SYBU: variants seen among roughly 807,000 people sequenced by gnomAD.
The protein encoded by SYBU is syntabulin, also known as GOLSYN A protein.
A neutral mutation model predicts 35.9 loss-of-function variants in SYBU; 21 were observed. The ratio of observed to expected loss-of-function variants is 0.58; its 90% CI spans 0.41 to 0.84. SYBU has a LOEUF of 0.84. Among genes scored for constraint, SYBU ranks in the 40% least tolerant of loss-of-function variants. The pLI is 0.00. For synonymous variants in SYBU, 319 were observed against 324.3 expected, an observed-to-expected ratio of 0.98 and a Z score of 0.18; for missense variants, 768 against 848.2, an observed-to-expected ratio of 0.91 and a Z score of 1.17.
At chr8:109,677,807 A>G (rs1817244580) in intron 1 of SYBU, among the ~76,000 whole-genome samples, 1 of 152,220 alleles carries the variant, frequency 6.6e-6, no homozygotes, top group Non-Finnish European at 1.5e-5. Context: ...TGTGATAAAC[A>G]TTGCTGAATA....
intron 3 of SYBU, among the ~76,000 whole-genome samples, chr8:109,596,996 A>G (rs902942778): frequency 6.6e-6 from 1 of 152,220 alleles, no homozygotes; most frequent in African/African-American, 2.4e-5. Flanking sequence ...AAGTAAAACT[A>G]GAATCTCTGT....
chr8:109,644,502 G>T, intron 1 of SYBU, 134 bp downstream of exon 1: 2 of 1,057,744 alleles, frequency 1.9e-6, no homozygotes, highest in South Asian at 1.5e-5. Context: ...GCCTTCTCCA[G>T]ACCCCACCAC....
At chr8:109,600,906 T>C (rs1001610179) in intron 3 of SYBU, among the ~76,000 whole-genome samples, 4 of 152,216 alleles carry the variant, frequency 2.6e-5, no homozygotes, top group African/African-American at 7.2e-5. Context: ...CATTGGGTGA[T>C]AGCACAGTCC....
chr8:109,610,391 G>A (rs1412616488), intron 3 of SYBU, among the ~76,000 whole-genome samples: 2 of 152,210 alleles, frequency 1.3e-5, no homozygotes, highest in African/African-American at 4.8e-5. Flanking sequence ...ACAGCCAGGA[G>A]TCAAACCTAT....
chr8:109,582,432 A>G (rs1823142790), intron 4 of SYBU, among the ~76,000 whole-genome samples: 1 of 152,194 alleles, frequency 6.6e-6, no homozygotes, highest in Admixed American at 6.5e-5. Flanking sequence ...GTGAAACCCA[A>G]TGCTGTCCTC....
chr8:109,576,305 A>G (rs986018106), intron 6 of SYBU, among the ~76,000 whole-genome samples: 4 of 152,194 alleles, frequency 2.6e-5, no homozygotes, highest in Non-Finnish European at 5.9e-5. Context: ...TAATAATAGT[A>G]ATCAGAATCA....
At chr8:109,659,769 G>C (rs184822208) in intron 1 of SYBU, among the ~76,000 whole-genome samples, 1 of 151,962 alleles carries the variant, frequency 6.6e-6, no homozygotes, top group East Asian at 1.9e-4. Context: ...CTGTAAATAG[G>C]CACACTTTAA....
rs550128357 is a variant in SYBU, at chr8:109,619,396, G to T, written c.230-357C>A. The stretch of plus-strand genomic sequence containing the variant: ...ATGCCACCAGGCCCGGGTATTTTTT[G>T]TGTGTATTTTAGTACAGACAGGGTT... On this transcript the variant is annotated intron_variant, in intron 2 of 6. Coordinates refer to ENST00000276646, the MANE Select transcript of SYBU (RefSeq NM_001099754.2). Among the ~76,000 whole-genome samples, 30 of 151,882 alleles carry T rather than the reference G, an allele frequency of 2.0e-4. No individual in the cohort carries two copies. In the South Asian group the frequency reaches 2.5e-3, roughly 13 times the overall value.
intron 2 of SYBU, among the ~76,000 whole-genome samples, chr8:109,633,045 CA>C (rs1232615278): frequency 6.6e-6 from 1 of 152,086 alleles, no homozygotes; most frequent in African/African-American, 2.4e-5. Flanking sequence ...TTCACTTTGG[CA>C]AAAAGCAAAA....
chr8:109,586,184 A>G (rs1484734230), intron 3 of SYBU, 22 bp from the exon 4 acceptor site: 1 of 1,555,958 alleles, frequency 6.4e-7, no homozygotes, highest in East Asian at 2.3e-5. Context: ...CAGGGGAGAG[A>G]GAAGCGTGAG....
At chr8:109,576,600 A>T (rs1212984967) in intron 6 of SYBU, among the ~76,000 whole-genome samples, 1 of 152,158 alleles carries the variant, frequency 6.6e-6, no homozygotes. Flanking sequence ...ACATTTTTGA[A>T]ATAATAAAAT....
At chr8:109,581,730 G>C (rs1823051962) in intron 4 of SYBU, among the ~76,000 whole-genome samples, 1 of 152,194 alleles carries the variant, frequency 6.6e-6, no homozygotes, top group African/African-American at 2.4e-5. Context: ...ATGCAAGTGT[G>C]CATGTGGGTA....
chr8:109,645,074 C>T (rs1815492591), upstream of SYBU: 1 of 494,090 alleles, frequency 2.0e-6, no homozygotes, highest in Non-Finnish European at 4.0e-6. Context: ...CATCTCCAGC[C>T]CAGGGGTGAC....
intron 2 of SYBU, among the ~76,000 whole-genome samples, chr8:109,638,745 C>G (rs1230936848): frequency 6.6e-6 from 1 of 152,114 alleles, no homozygotes; most frequent in East Asian, 1.9e-4. Flanking sequence ...GTCATAGCGA[C>G]CAAGACTGAG....
In SYBU at chr8:109,579,963, G is replaced by C. The variant is rs766826185; in HGVS notation, c.570C>G (p.His190Gln). 5.6e-6 allele frequency: 9 copies of C among 1,613,332 alleles called. No individual in the cohort carries two copies. The highest frequency in any genetic ancestry group is 6.8e-6 in the Non-Finnish European group (8 of 1,180,044). Residue 190 changes from histidine (H) to glutamine (Q), a missense_variant, in exon 5 of 7, where the codon CAC (histidine) becomes CAG (glutamine). Transcript: ENST00000276646. ...PHGRSNGASSHKPGSSPSSPR... is the reference protein window; with the variant it reads ...PHGRSNGASSQKPGSSPSSPR... ...GGGATGATGGGCTGCTGCCAGGCTT[G>C]TGTGACGAAGCTCCATTACTCCGCC...
chr8:109,676,789 T>TTAAA (rs1218516809), intron 1 of SYBU, among the ~76,000 whole-genome samples: 6 of 152,220 alleles, frequency 3.9e-5, no homozygotes, highest in Admixed American at 3.9e-4. Context: ...TAAAAATGAC[T>TTAAA]TAAATATTGT....
At chr8:109,675,890 A>G (rs1017809594) in intron 1 of SYBU, among the ~76,000 whole-genome samples, 5 of 152,348 alleles carry the variant, frequency 3.3e-5, no homozygotes, top group African/African-American at 9.6e-5. Flanking sequence ...AAAATCCTCA[A>G]TAAAATACTG....
intron 1 of SYBU, among the ~76,000 whole-genome samples, chr8:109,653,828 T>C (rs903283230): frequency 6.6e-6 from 1 of 152,130 alleles, no homozygotes; most frequent in African/African-American, 2.4e-5. Context: ...CTCCACCCCA[T>C]CCTTCCCATT....
chr8:109,581,760 G>C (rs922965028), intron 4 of SYBU, among the ~76,000 whole-genome samples: 2 of 152,204 alleles, frequency 1.3e-5, no homozygotes, highest in Admixed American at 1.3e-4. Context: ...TCAAAACCAT[G>C]ATCACTTATT....
Sources: gnomAD v4.1 joint callset for allele counts (sites outside exome capture counted in the v4.1 genomes callset) on GRCh38, gnomAD v4.1.1 for gene constraint, MANE v1.5 for transcripts, NCBI Gene and HGNC (gene_info 2026-07-23, HGNC 2026-07-21) for gene names.